The following LRBA variants were observed in gnomAD, a reference collection of about 807,000 sequenced individuals.
LRBA encodes the protein lipopolysaccharide-responsive and beige-like anchor protein.
A neutral mutation model predicts 330.0 loss-of-function variants in LRBA; 176 were observed. That is an observed-to-expected ratio of 0.53 (90% confidence interval 0.47 to 0.60). The LOEUF is 0.60. Ranked by LOEUF, LRBA falls within the 20% of genes least tolerant of loss-of-function variation. LRBA has a pLI of 0.00. For synonymous variants in LRBA, 1,230 were observed against 1,193.0 expected, an observed-to-expected ratio of 1.03 and a Z score of -0.64; for missense variants, 3,259 against 3,444.8, an observed-to-expected ratio of 0.95 and a Z score of 1.35.
chr4:150,880,829 T>C (rs553002292), intron 17 of LRBA, among the ~76,000 whole-genome samples: 1 of 152,126 alleles, frequency 6.6e-6, no homozygotes, highest in Non-Finnish European at 1.5e-5. Context: ...TATAAGGAAC[T>C]TAAACAATTA....
chr4:150,475,435 A>G (rs1183168469), intron 42 of LRBA, among the ~76,000 whole-genome samples: 2 of 152,224 alleles, frequency 1.3e-5, no homozygotes, highest in Middle Eastern at 3.2e-3. Flanking sequence ...AAAGATTTTT[A>G]AATTAATAGC....
At chr4:150,525,183 C>T (rs1763322802) in intron 40 of LRBA, among the ~76,000 whole-genome samples, 1 of 151,890 alleles carries the variant, frequency 6.6e-6, no homozygotes, top group Non-Finnish European at 1.5e-5. Flanking sequence ...ATGGAGTGAG[C>T]ATCAGAAGGC....
At chr4:150,303,092 T>C (rs1729881857) in intron 52 of LRBA, among the ~76,000 whole-genome samples, 1 of 152,156 alleles carries the variant, frequency 6.6e-6, no homozygotes, top group African/African-American at 2.4e-5. Context: ...AAATGAATCA[T>C]GTTTACTGAT....
intron 36 of LRBA, among the ~76,000 whole-genome samples, chr4:150,695,384 A>G (rs1421597022): frequency 1.3e-5 from 2 of 152,182 alleles, no homozygotes; most frequent in African/African-American, 2.4e-5. Flanking sequence ...GTGCAGTGAC[A>G]TGATCACAAC....
At chr4:150,384,015 GTTTT>G (rs910866725) in intron 47 of LRBA, among the ~76,000 whole-genome samples, 1 of 151,846 alleles carries the variant, frequency 6.6e-6, no homozygotes, top group African/African-American at 2.4e-5. Context: ...TTAAGGAACA[GTTTT>G]TTTATTTTTA....
At position 150,436,825 on chromosome 4, in the gene LRBA, C is replaced by G; in HGVS notation, c.6820G>C (p.Ala2274Pro). The G allele has an allele frequency of 1.9e-6, 3 of 1,613,682 alleles. No homozygotes were observed. Among genetic ancestry groups the G allele is most frequent in the Non-Finnish European group, 2.5e-6 (3 of 1,179,844 alleles). The change falls in exon 45 of 57, where the codon GCT becomes CCT. Residue 2274 changes from alanine to proline, a missense_variant. Transcript: ENST00000651943. ...ALNPKRAAFF[A>P]ERYESWEDDQ... ...TCTTCCCATGATTCATAACGCTCAG[C>G]GAAGAATGCTGCTCTTTTTGGGTTC...
chr4:150,618,708 C>A (rs1776005946), intron 37 of LRBA, among the ~76,000 whole-genome samples: 1 of 151,976 alleles, frequency 6.6e-6, no homozygotes, highest in African/African-American at 2.4e-5. Context: ...AGTTTTACTG[C>A]AAATATATGA....
intron 2 of LRBA, among the ~76,000 whole-genome samples, chr4:151,011,696 T>C (rs1744864959): frequency 6.6e-6 from 1 of 151,508 alleles, no homozygotes. Context: ...AGAATCCCAA[T>C]ACTTTCGTTC....
chr4:150,836,227 ATC>A (rs1361976898), intron 28 of LRBA, among the ~76,000 whole-genome samples: 1 of 152,182 alleles, frequency 6.6e-6, no homozygotes, highest in Non-Finnish European at 1.5e-5. Context: ...GGATTTTTGC[ATC>A]GATGTTCATC....
At chr4:150,905,401 T>TA (rs994063673) in intron 13 of LRBA, among the ~76,000 whole-genome samples, 51 of 140,436 alleles carry the variant, frequency 3.6e-4, no homozygotes, top group Middle Eastern at 3.5e-3. Flanking sequence ...TCTTAAGAAA[T>TA]AAAAAAAAAA....
intron 50 of LRBA, among the ~76,000 whole-genome samples, chr4:150,317,513 G>A (rs1049344937): frequency 3.3e-5 from 5 of 151,960 alleles, no homozygotes; most frequent in African/African-American, 9.7e-5. Flanking sequence ...AAACCCAAAA[G>A]GTATTTGTCT....
At chr4:150,728,776 C>G (rs2127115505) in intron 36 of LRBA, among the ~76,000 whole-genome samples, 1 of 152,208 alleles carries the variant, frequency 6.6e-6, no homozygotes, top group East Asian at 1.9e-4. Flanking sequence ...AGCATTTCCT[C>G]TAAGATCTGG....
At chr4:150,666,501 G>T (rs1215393950) in intron 37 of LRBA, among the ~76,000 whole-genome samples, 1 of 151,624 alleles carries the variant, frequency 6.6e-6, no homozygotes, top group Non-Finnish European at 1.5e-5. Flanking sequence ...GCAACAGAGT[G>T]AGACACCATC....
In LRBA at chr4:150,870,573, G is replaced by A. The variant is rs1165160335; in HGVS notation, c.2401C>T (p.His801Tyr). Residue 801 changes from histidine (H) to tyrosine (Y), a missense_variant, in exon 20 of 57, where the codon CAT (histidine) becomes TAT (tyrosine). Coordinates refer to ENST00000651943, the MANE Select transcript of LRBA (RefSeq NM_001364905.1). ...LIEQIGTQVI[H>Y]KQHPDPDSSV... ...GAATCAGGATCTGGATGCTGTTTAT[G>A]TATCACCTGAGTACCAATCTGTTCT... 1 of 1,589,692 alleles carries A rather than the reference G, an allele frequency of 6.3e-7. No homozygotes were observed. Among genetic ancestry groups the A allele is most frequent in the East Asian group, 2.2e-5 (1 of 44,612 alleles).
chr4:150,863,190 C>T (rs1398462777), intron 22 of LRBA, among the ~76,000 whole-genome samples: 1 of 152,042 alleles, frequency 6.6e-6, no homozygotes, highest in Non-Finnish European at 1.5e-5. Context: ...CCCAGCTACT[C>T]AGGAGGTTGA....
intron 2 of LRBA, among the ~76,000 whole-genome samples, chr4:150,963,938 C>T (rs1258777707): frequency 6.8e-6 from 1 of 148,056 alleles, no homozygotes; most frequent in African/African-American, 2.6e-5. Flanking sequence ...TGAAGAGTGC[C>T]TCTGCCCTGC....
chr4:150,299,060 T>C (rs1729325335), intron 53 of LRBA, among the ~76,000 whole-genome samples: 1 of 152,074 alleles, frequency 6.6e-6, no homozygotes, highest in Non-Finnish European at 1.5e-5. Flanking sequence ...TATTTATCAA[T>C]GGAATGCACT....
chr4:150,902,320 C>T (rs1730831146), intron 13 of LRBA, among the ~76,000 whole-genome samples: 1 of 151,932 alleles, frequency 6.6e-6, no homozygotes, highest in African/African-American at 2.4e-5. Flanking sequence ...AGAGTTAGAA[C>T]AACAGTTCTC....
intron 40 of LRBA, among the ~76,000 whole-genome samples, chr4:150,510,005 A>G (rs1402056635): frequency 6.6e-5 from 10 of 152,110 alleles, no homozygotes; most frequent in Non-Finnish European, 1.3e-4. Flanking sequence ...GTGTGGTGGC[A>G]CATGCCTGTA....
Sources: allele counts gnomAD v4.1 joint callset (sites outside exome capture counted in the v4.1 genomes callset), GRCh38; gene constraint gnomAD v4.1.1; transcripts MANE v1.5; gene names NCBI Gene and HGNC (gene_info 2026-07-23, HGNC 2026-07-21).